The following MZT2B variants were observed in gnomAD, a reference collection of about 807,000 sequenced individuals.
MZT2B encodes mitotic-spindle organizing protein 2B.
A neutral mutation model predicts 12.1 loss-of-function variants in MZT2B; 11 were observed. That is an observed-to-expected ratio of 0.91 (90% CI 0.57 to 1.50). MZT2B has a LOEUF of 1.50. Among genes scored for constraint, MZT2B ranks in the 40% most tolerant of loss-of-function variants. The pLI, the probability that MZT2B is intolerant of heterozygous loss-of-function variation, is 0.00. For missense variants in MZT2B, 209 were observed against 227.7 expected, an observed-to-expected ratio of 0.92 and a Z score of 0.53; for synonymous variants, 85 against 109.5, an observed-to-expected ratio of 0.78 and a Z score of 1.40.
At chr2:130,188,792 C>T (rs1446409925) in intron 2 of MZT2B, among the ~76,000 whole-genome samples, 1 of 152,072 alleles carries the variant, frequency 6.6e-6, no homozygotes, top group East Asian at 1.9e-4. Context: ...GCTGGAGGTA[C>T]CTCTGGAAGA....
chr2:130,192,448 G>A (rs1330360116), downstream of MZT2B, among the ~76,000 whole-genome samples: 24 of 152,266 alleles, frequency 1.6e-4, no homozygotes, highest in Admixed American at 6.5e-5. Flanking sequence ...CTTCTTTGTA[G>A]ATTACAATTA....
chr2:130,182,123 G>A, upstream of MZT2B: 1 of 1,278,072 alleles, frequency 7.8e-7, no homozygotes, highest in Non-Finnish European at 9.9e-7. Context: ...ATAACTGTTG[G>A]GCTTCAATGA....
downstream of MZT2B, chr2:130,194,315 TG>T (rs773112295): frequency 6.2e-7 from 1 of 1,612,646 alleles, no homozygotes; most frequent in African/African-American, 1.3e-5. Flanking sequence ...TGTGGAGACC[TG>T]GGGGGCTGGG....
chr2:130,191,033 T>C (rs1223422403), downstream of MZT2B, among the ~76,000 whole-genome samples: 1 of 152,090 alleles, frequency 6.6e-6, no homozygotes, highest in Non-Finnish European at 1.5e-5. Flanking sequence ...CACTACAAGC[T>C]CCGCCTCCTG....
chr2:130,190,952 T>G (rs1412758101), downstream of MZT2B, among the ~76,000 whole-genome samples: 1 of 145,028 alleles, frequency 6.9e-6, no homozygotes, highest in African/African-American at 2.8e-5. Context: ...ATGTGGGAGG[T>G]TTTTTTGGTT....
the MZT2B span, chr2:130,202,467 G>A: frequency 9.4e-6 from 12 of 1,278,074 alleles, no homozygotes; most frequent in South Asian, 1.3e-4. Flanking sequence ...GGGTGAGAAA[G>A]GCTTAAGAGG....
the MZT2B span, among the ~76,000 whole-genome samples, chr2:130,199,876 A>C: frequency 6.6e-6 from 1 of 151,200 alleles, no homozygotes; most frequent in African/African-American, 2.4e-5. Context: ...TAGGAGGATC[A>C]CTTGAGGTCA....
chr2:130,190,986 G>C (rs1339173688), downstream of MZT2B, among the ~76,000 whole-genome samples: 1 of 152,048 alleles, frequency 6.6e-6, no homozygotes, highest in Non-Finnish European at 1.5e-5. Flanking sequence ...GTCTTGCTCT[G>C]TCACCCAAGC....
the MZT2B span, among the ~76,000 whole-genome samples, chr2:130,203,118 A>G: frequency 4.6e-4 from 64 of 139,030 alleles, no homozygotes; most frequent in Non-Finnish European, 8.0e-4. Context: ...ATCTCAGCTC[A>G]CTGCATAGGC....
At position 130,182,352 on chromosome 2, in the gene MZT2B, A is replaced by C. The variant is rs1046072524; in HGVS notation, c.70A>C (p.Lys24Gln). 4 of 1,535,968 alleles carry C rather than the reference A, an allele frequency of 2.6e-6. No individual in the cohort carries two copies. The African/African-American group carries it at 5.6e-5, about 21-fold the overall frequency. The change falls in exon 1 of 3, where the codon AAG becomes CAG. Residue 24 changes from lysine (K) to glutamine (Q), a missense_variant. Lys to Gln is a moderately conservative substitution (Grantham distance 53). Transcript: ENST00000281871. ...APPGLEAARQ[K>Q]LALRRKKVLS... The stretch of plus-strand genomic sequence containing the variant: ...CCCGGGGCTGGAGGCGGCCCGGCAG[A>C]AGCTGGCGCTGCGGCGGAAGAAGGT...
intron 2 of MZT2B, chr2:130,183,852 C>T: frequency 3.2e-6 from 5 of 1,550,674 alleles, no homozygotes; most frequent in Non-Finnish European, 4.4e-6. Context: ...CTCCAGCCCG[C>T]AGCCTGCGGC....
downstream of MZT2B, chr2:130,191,803 G>A (rs774859317): frequency 6.9e-6 from 11 of 1,585,982 alleles, no homozygotes; most frequent in Non-Finnish European, 9.4e-6. Context: ...CCTAGGGGTG[G>A]CAGGGGAGAA....
intron 2 of MZT2B, chr2:130,184,329 G>A: frequency 1.0e-6 from 1 of 985,482 alleles, no homozygotes; most frequent in Non-Finnish European, 1.2e-6. Flanking sequence ...CCTCTTAGAA[G>A]TTGTCCCTTA....
At chr2:130,191,260 CT>C (rs1690251291), downstream of MZT2B, among the ~76,000 whole-genome samples, 1 of 152,202 alleles carries the variant, frequency 6.6e-6, no homozygotes, top group Non-Finnish European at 1.5e-5. Flanking sequence ...AGGGCGAACG[CT>C]GCCTTCCAGG....
At chr2:130,183,612 G>T in intron 2 of MZT2B, 1 of 1,087,110 alleles carries the variant, frequency 9.2e-7, no homozygotes, top group Non-Finnish European at 1.4e-6. Context: ...GGAAGCACGA[G>T]GAGACCCGCA....
chr2:130,183,921 C>T, intron 2 of MZT2B: 1 of 1,550,600 alleles, frequency 6.4e-7, no homozygotes, highest in East Asian at 2.4e-5. Flanking sequence ...TCCAGGCCCC[C>T]CGGGTTCCCT....
At chr2:130,199,969 A>C in the MZT2B span, among the ~76,000 whole-genome samples, 1 of 151,856 alleles carries the variant, frequency 6.6e-6, no homozygotes, top group Non-Finnish European at 1.5e-5. Context: ...GGTGGTGAGC[A>C]CCTATAGTCC....
At chr2:130,199,084 C>T in the MZT2B span, among the ~76,000 whole-genome samples, 2 of 122,046 alleles carry the variant, frequency 1.6e-5, 1 homozygote, top group Non-Finnish European at 3.6e-5. Flanking sequence ...TGGTGGTAGG[C>T]ACCTGTAATC....
At position 130,184,421 on chromosome 2, in the gene MZT2B, G is replaced by T. The variant is rs745443238; in HGVS notation, c.319+1646G>T. The T allele has an allele frequency of 2.4e-4, 232 of 985,446 alleles. No individual in the cohort carries two copies. In the Middle Eastern group the frequency reaches 4.2e-3, roughly 18 times the overall value. The allele number at this position is 985,446 out of a possible 1,614,324, so 61.0% of individuals were successfully genotyped here. ...GGGCAGTGCCACACAGATGCCATATGCTGGCCCCGTGGCCACACTCCAGCA... is the reference window on the plus strand; with the variant it reads ...GGGCAGTGCCACACAGATGCCATATTCTGGCCCCGTGGCCACACTCCAGCA... On this transcript the variant is annotated intron_variant, in intron 2 of 2. Transcript: ENST00000281871.
Sources: allele counts gnomAD v4.1 joint callset (sites outside exome capture counted in the v4.1 genomes callset), GRCh38; gene constraint gnomAD v4.1.1; transcripts MANE v1.5; gene names NCBI Gene and HGNC (gene_info 2026-07-23, HGNC 2026-07-21).